ASXL3: variants seen among roughly 807,000 people sequenced by gnomAD.
The protein encoded by ASXL3 is ASXL transcriptional regulator 3.
Under a neutral mutation model 170.6 loss-of-function variants are expected in ASXL3, and 34 were observed. The observed-to-expected ratio is 0.20, with a 90% CI of 0.15 to 0.27. The LOEUF is 0.27. Among genes scored for constraint, ASXL3 ranks in the 10% least tolerant of loss-of-function variants. The pLI, the probability that ASXL3 is intolerant of heterozygous loss-of-function variation, is 1.00. For missense variants in ASXL3, 2,592 were observed against 2,695.3 expected (o/e 0.96, Z 0.85); for synonymous variants, 1,002 against 989.1 (o/e 1.01, Z -0.24).
Position 33,748,370 on chromosome 18 carries a change from A to G in ASXL3, c.*1775A>G, listed in dbSNP as rs1267513784. On this transcript the variant is annotated 3_prime_UTR_variant, in exon 12 of 12. Coordinates refer to ENST00000269197, the MANE Select transcript of ASXL3 (RefSeq NM_030632.3). The stretch of plus-strand genomic sequence containing the variant: ...ATTTCTTTCTTTAGGTGATAGAGAC[A>G]TCATTTCGAATAACAAATTGCTGAT... 2 of 152,198 alleles carry G rather than the reference A, an allele frequency of 1.3e-5. No individual in the cohort carries two copies. The highest frequency in any genetic ancestry group is 2.9e-5 in the Non-Finnish European group (2 of 68,036). The allele number at this position is 152,198 out of a possible 1,614,324, so 9.4% of individuals were successfully genotyped here. A position where few individuals can be genotyped will look rare whatever the true frequency, so the allele number is the denominator to read the frequency against.
chr18:33,739,173 T>C lies in ASXL3; in HGVS notation c.1769T>C (p.Ile590Thr), dbSNP rs370837275. 24 of 1,613,710 alleles carry C rather than the reference T, an allele frequency of 1.5e-5. No homozygotes were observed. Among genetic ancestry groups the C allele is most frequent in the Non-Finnish European group, 1.7e-6 (2 of 1,179,842 alleles). ...CAGTTTCCAAATGAAGGAATTGCTA[T>C]AGATATGGAGCTACAGAGTGACCCT... ...EGQFPNEGIAIDMELQSDPEE... is the reference protein window; with the variant it reads ...EGQFPNEGIATDMELQSDPEE... Residue 590 changes from isoleucine to threonine, a missense_variant, in exon 11 of 12, where the codon ATA (isoleucine) becomes ACA (threonine). Transcript: ENST00000269197.
At chr18:33,618,632 T>C (rs540765092) in intron 2 of ASXL3, among the ~76,000 whole-genome samples, 2 of 152,256 alleles carry the variant, frequency 1.3e-5, no homozygotes, top group South Asian at 4.1e-4. Flanking sequence ...TTCTGTGTTC[T>C]TGAGACTGTA....
chr18:33,625,596 A>G (rs1169261372), intron 2 of ASXL3, among the ~76,000 whole-genome samples: 4 of 152,138 alleles, frequency 2.6e-5, no homozygotes, highest in Non-Finnish European at 4.4e-5. Flanking sequence ...ATGTCCAGAA[A>G]AACATAATGA....
chr18:33,642,909 C>T (rs983537839), intron 2 of ASXL3, among the ~76,000 whole-genome samples: 3 of 151,750 alleles, frequency 2.0e-5, no homozygotes, highest in African/African-American at 4.8e-5. Flanking sequence ...TGTTATTTAA[C>T]GTGCTGAATC....
In ASXL3 at chr18:33,644,921, T is replaced by C; in HGVS notation, c.165T>C (p.Asn55=). 6.3e-7 allele frequency: 1 copy of C among 1,581,076 alleles called. No homozygotes were observed. ...TSGTSPLACL[N]AMLHTNTRIG... is the part of the protein sequence containing the mutation. ...GAACCTCTCCATTAGCCTGTCTGAATGCAATGCTTCACACTAACACTCGAA... is the reference window on the plus strand; with the variant it reads ...GAACCTCTCCATTAGCCTGTCTGAACGCAATGCTTCACACTAACACTCGAA... Residue 55 remains asparagine, a synonymous_variant, in exon 3 of 12, where the codon AAT becomes AAC. Coordinates refer to ENST00000269197, the MANE Select transcript of ASXL3 (RefSeq NM_030632.3).
chr18:33,661,569 A>G, intron 4 of ASXL3, 47 bp from the exon 5 acceptor site: 2 of 1,549,182 alleles, frequency 1.3e-6, no homozygotes, highest in Admixed American at 1.9e-5. Context: ...AGTGGATATA[A>G]AAAAGGAATT....
At chr18:33,595,831 C>G (rs573715721) in intron 1 of ASXL3, among the ~76,000 whole-genome samples, 1 of 152,296 alleles carries the variant, frequency 6.6e-6, no homozygotes, top group African/African-American at 2.4e-5. Flanking sequence ...CCAACTCCAG[C>G]CATCCCTCCT....
At chr18:33,612,025 A>ACTG (rs1212105146) in intron 2 of ASXL3, among the ~76,000 whole-genome samples, 19 of 152,086 alleles carry the variant, frequency 1.2e-4, no homozygotes, top group Non-Finnish European at 7.4e-5. Flanking sequence ...TAGTGAGAGC[A>ACTG]AAACAACCAT....
At chr18:33,724,606 T>G (rs963170406) in intron 8 of ASXL3, among the ~76,000 whole-genome samples, 2 of 152,092 alleles carry the variant, frequency 1.3e-5, no homozygotes, top group African/African-American at 4.8e-5. Context: ...GAGAGGATTA[T>G]AAAGTATAAA....
intron 8 of ASXL3, among the ~76,000 whole-genome samples, chr18:33,698,834 T>C (rs879632836): frequency 6.6e-6 from 1 of 152,076 alleles, no homozygotes; most frequent in Admixed American, 6.6e-5. Flanking sequence ...CTGGGGAAAA[T>C]ATGTGTTAAG....
chr18:33,679,652 G>C (rs998113709), intron 7 of ASXL3, among the ~76,000 whole-genome samples: 14 of 152,050 alleles, frequency 9.2e-5, no homozygotes. Flanking sequence ...TTTGTGCTTT[G>C]TGTGTATGTG....
chr18:33,667,334 C>G (rs1000308362), intron 5 of ASXL3, among the ~76,000 whole-genome samples: 1 of 152,112 alleles, frequency 6.6e-6, no homozygotes, highest in Non-Finnish European at 1.5e-5. Context: ...AGTGAAATTT[C>G]TGATTTGAGA....
At chr18:33,698,340 A>T (rs962650640) in intron 8 of ASXL3, among the ~76,000 whole-genome samples, 4 of 152,106 alleles carry the variant, frequency 2.6e-5, no homozygotes, top group Admixed American at 2.6e-4. Flanking sequence ...ACTGTGACAA[A>T]ATACATTTCT....
rs181942743 is a variant in ASXL3, at chr18:33,653,708, A to G, written c.355+7355A>G. ...GCCAGTGTTTTTCTTAAACCACTCA[A>G]TTGAAGTAGACAATATTCTAATAGT... On this transcript the variant is annotated intron_variant, in intron 4 of 11. Transcript: ENST00000269197. 4.4e-3 allele frequency among the ~76,000 whole-genome samples: 665 copies of G among 152,178 alleles called. 3 individuals are homozygous for G. The highest frequency in any genetic ancestry group is 0.018 in the South Asian group (88 of 4,818).
rs374379133 is a variant in ASXL3, at chr18:33,652,603, C to A, written c.355+6250C>A. Among the ~76,000 whole-genome samples, 586 of 112,186 alleles carry A rather than the reference C, an allele frequency of 5.2e-3. 2 individuals are homozygous for A. The highest frequency in any genetic ancestry group is 9.0e-3 in the East Asian group (28 of 3,108). 73.6% of individuals were successfully genotyped at this position (112,186 alleles called of 152,430 possible). A position where few individuals can be genotyped will look rare whatever the true frequency, so the allele number is the denominator to read the frequency against. ...AGTATTTTAAAAGTTTCTGTTGGGG[C>A]AAAAAAAAAAAAAGAACATGAATCT... On this transcript the variant is annotated intron_variant, in intron 4 of 11. Transcript: ENST00000269197.
intron 8 of ASXL3, among the ~76,000 whole-genome samples, chr18:33,697,290 G>C (rs2066787718): frequency 6.6e-6 from 1 of 152,086 alleles, no homozygotes. Context: ...GGCTATGCAA[G>C]GTTCTAGACA....
intron 8 of ASXL3, among the ~76,000 whole-genome samples, chr18:33,699,176 A>T (rs919757637): frequency 6.6e-6 from 1 of 152,112 alleles, no homozygotes; most frequent in Admixed American, 6.6e-5. Context: ...AGAGTCTAGA[A>T]AACCGGCAAG....
intron 8 of ASXL3, among the ~76,000 whole-genome samples, chr18:33,711,105 A>G (rs950105035): frequency 5.9e-5 from 9 of 152,202 alleles, no homozygotes; most frequent in African/African-American, 2.2e-4. Context: ...TTGTCATTTT[A>G]GAATGAATGT....
intron 2 of ASXL3, among the ~76,000 whole-genome samples, chr18:33,620,169 T>C (rs2065487809): frequency 6.6e-6 from 1 of 152,156 alleles, no homozygotes; most frequent in South Asian, 2.1e-4. Flanking sequence ...AAGCAGGGCA[T>C]GTTTCAGGCC....
Sources: gnomAD v4.1 joint callset for allele counts (sites outside exome capture counted in the v4.1 genomes callset) on GRCh38, gnomAD v4.1.1 for gene constraint, MANE v1.5 for transcripts, NCBI Gene and HGNC (gene_info 2026-07-23, HGNC 2026-07-21) for gene names.